The following CDH8 variants were observed in gnomAD, a reference collection of about 807,000 sequenced individuals.
CDH8 encodes cadherin 8.
Under a neutral mutation model 68.1 loss-of-function variants are expected in CDH8, and 17 were observed. That is an observed-to-expected ratio of 0.25 (90% CI 0.17 to 0.37). The LOEUF (loss-of-function observed/expected upper bound fraction) is 0.37, where lower values mean the gene tolerates loss of function less well. Among genes scored for constraint, CDH8 ranks in the 10% least tolerant of loss-of-function variants. The probability of loss-of-function intolerance (pLI) is 1.00; values close to 1 mark genes in which losing one functional copy is unlikely to be tolerated. For missense variants in CDH8, 763 were observed against 999.3 expected, an observed-to-expected ratio of 0.76 and a Z score of 3.19; for synonymous variants, 372 against 365.1, an observed-to-expected ratio of 1.02 and a Z score of -0.21.
intron 8 of CDH8, among the ~76,000 whole-genome samples, chr16:61,741,193 T>A (rs1199919673): frequency 6.6e-6 from 1 of 152,170 alleles, no homozygotes; most frequent in Non-Finnish European, 1.5e-5. Context: ...CACTTGGACA[T>A]CTTCTTTGTG....
At chr16:61,922,321 T>C (rs886338314) in intron 2 of CDH8, among the ~76,000 whole-genome samples, 10 of 152,168 alleles carry the variant, frequency 6.6e-5, no homozygotes, top group Non-Finnish European at 2.9e-5. Context: ...ACAATCACCT[T>C]CTAAAGATAT....
chr16:61,674,664 C>T (rs1367714072), intron 10 of CDH8, among the ~76,000 whole-genome samples: 1 of 151,498 alleles, frequency 6.6e-6, no homozygotes, highest in Non-Finnish European at 1.5e-5. Flanking sequence ...TCAATAGAAA[C>T]CAATATAGAA....
chr16:61,714,012 A>G lies in CDH8; in HGVS notation c.1537-54T>C, dbSNP rs541361873. On this transcript the variant is annotated intron_variant, in intron 9 of 11. Coordinates refer to ENST00000577390, the MANE Select transcript of CDH8 (RefSeq NM_001796.5). ...TCTGATGATTTCAGAGGCTCCTGCCATCGGTAAAAGCTTAGTGACATTCTT... is the reference window on the plus strand; with the variant it reads ...TCTGATGATTTCAGAGGCTCCTGCCGTCGGTAAAAGCTTAGTGACATTCTT... 4 of 1,050,048 alleles carry G rather than the reference A, an allele frequency of 3.8e-6. No individual in the cohort carries two copies. The South Asian group carries it at 5.1e-5, about 13-fold the overall frequency. 65.0% of individuals were successfully genotyped at this position (1,050,048 alleles called of 1,614,324 possible).
intron 10 of CDH8, among the ~76,000 whole-genome samples, chr16:61,696,169 T>C (rs1367799774): frequency 6.6e-6 from 1 of 152,180 alleles, no homozygotes; most frequent in African/African-American, 2.4e-5. Flanking sequence ...TCTGCTGAGG[T>C]CATTCACAGC....
intron 3 of CDH8, among the ~76,000 whole-genome samples, chr16:61,895,386 C>T (rs1337560232): frequency 6.6e-6 from 1 of 152,050 alleles, no homozygotes; most frequent in East Asian, 1.9e-4. Context: ...AGCATTTTCC[C>T]TAATTTTCTG....
chr16:61,710,761 T>G (rs1418999942), intron 10 of CDH8: 1 of 147,920 alleles, frequency 6.8e-6, no homozygotes, highest in Non-Finnish European at 1.5e-5. Flanking sequence ...TTACCTACAG[T>G]GTTCAGGCTG....
At chr16:61,742,300 C>T (rs147227294) in intron 8 of CDH8, among the ~76,000 whole-genome samples, 144 of 152,082 alleles carry the variant, frequency 9.5e-4, no homozygotes, top group Middle Eastern at 3.4e-3. Flanking sequence ...TGAGTAATGA[C>T]AATCATATTT....
chr16:61,839,534 G>A (rs1301317799), intron 4 of CDH8, among the ~76,000 whole-genome samples: 2 of 152,102 alleles, frequency 1.3e-5, no homozygotes, highest in Non-Finnish European at 2.9e-5. Flanking sequence ...TCAGACAGAT[G>A]ATAAATGAAT....
At chr16:61,932,609 G>A (rs936952581) in intron 2 of CDH8, among the ~76,000 whole-genome samples, 1 of 151,998 alleles carries the variant, frequency 6.6e-6, no homozygotes, top group Non-Finnish European at 1.5e-5. Flanking sequence ...TCTGGGCCCC[G>A]CTTCTCATTT....
At chr16:61,682,965 G>T (rs368375151) in intron 10 of CDH8, among the ~76,000 whole-genome samples, 13 of 151,954 alleles carry the variant, frequency 8.6e-5, no homozygotes, top group African/African-American at 2.9e-4. Flanking sequence ...ATGGGTAAAT[G>T]GTATGATAAC....
At chr16:61,767,003 T>C (rs1960612784) in intron 8 of CDH8, among the ~76,000 whole-genome samples, 1 of 151,916 alleles carries the variant, frequency 6.6e-6, no homozygotes, top group African/African-American at 2.4e-5. Flanking sequence ...AAGGAGAGAA[T>C]GGGCATTCTA....
chr16:61,885,465 A>C (rs1437709046), intron 3 of CDH8, among the ~76,000 whole-genome samples: 1 of 152,172 alleles, frequency 6.6e-6, no homozygotes, highest in African/African-American at 2.4e-5. Context: ...TTCACATCAC[A>C]TGGTCTCACT....
At chr16:61,748,505 T>A (rs1338488154) in intron 8 of CDH8, among the ~76,000 whole-genome samples, 2 of 151,966 alleles carry the variant, frequency 1.3e-5, no homozygotes, top group Non-Finnish European at 2.9e-5. Context: ...CATTCACTTA[T>A]ATTCATAGAT....
At chr16:61,669,045 A>G (rs914041584) in intron 10 of CDH8, among the ~76,000 whole-genome samples, 2 of 152,044 alleles carry the variant, frequency 1.3e-5, no homozygotes, top group African/African-American at 4.8e-5. Context: ...CTATAGTACC[A>G]AAGGTAGTGT....
chr16:62,017,000 G>A (rs896724448), intron 2 of CDH8, among the ~76,000 whole-genome samples: 2 of 152,150 alleles, frequency 1.3e-5, no homozygotes, highest in Non-Finnish European at 2.9e-5. Context: ...TACCCAGGTG[G>A]TCTATAAAAT....
chr16:61,807,952 C>T (rs920829809), intron 7 of CDH8, among the ~76,000 whole-genome samples: 3 of 152,132 alleles, frequency 2.0e-5, no homozygotes, highest in Non-Finnish European at 4.4e-5. Context: ...AAACCTGTAA[C>T]ATATTTGTTT....
rs138377194 is a variant in CDH8, at chr16:61,746,530, G to A, written c.1415-19315C>T. Among the ~76,000 whole-genome samples, 273 of 143,080 alleles carry A rather than the reference G, an allele frequency of 1.9e-3. 1 individual carries two copies. The highest frequency in any genetic ancestry group is 3.8e-3 in the Middle Eastern group (1 of 266). The allele number at this position is 143,080 out of a possible 152,430, so 93.9% of individuals were successfully genotyped here. A position where few individuals can be genotyped will look rare whatever the true frequency, so the allele number is the denominator to read the frequency against. On this transcript the variant is annotated intron_variant, in intron 8 of 11. Transcript: ENST00000577390. Reference sequence around the variant, plus strand: ...TCTGATGTAAGTTACCATCATAGACGTAAAGAAAACACTTGATTCCCCCCC... The same window carrying A: ...TCTGATGTAAGTTACCATCATAGACATAAAGAAAACACTTGATTCCCCCCC...
At chr16:61,801,738 G>T (rs995667881) in intron 7 of CDH8, among the ~76,000 whole-genome samples, 1 of 152,204 alleles carries the variant, frequency 6.6e-6, no homozygotes, top group Non-Finnish European at 1.5e-5. Flanking sequence ...ACTCCCACCC[G>T]AATATTGCCC....
At chr16:61,881,105 T>C (rs1963568226) in intron 3 of CDH8, among the ~76,000 whole-genome samples, 3 of 152,156 alleles carry the variant, frequency 2.0e-5, no homozygotes, top group South Asian at 2.1e-4. Flanking sequence ...GAAACCTTGA[T>C]TGCAGCCCAT....
Sources: gnomAD v4.1 joint callset for allele counts (sites outside exome capture counted in the v4.1 genomes callset) on GRCh38, gnomAD v4.1.1 for gene constraint, MANE v1.5 for transcripts, NCBI Gene and HGNC (gene_info 2026-07-23, HGNC 2026-07-21) for gene names.